Variants in FGGY observed in about 807,000 individuals in gnomAD.
FGGY encodes the protein FGGY carbohydrate kinase domain containing, also known as FGGY carbohydrate kinase domain-containing protein.
FGGY carries 72 observed loss-of-function variants against 71.3 expected under a neutral mutation model. That is an observed-to-expected ratio of 1.01 (90% CI 0.84 to 1.23). The LOEUF is 1.23. Among genes scored for constraint, FGGY ranks in the 50% most tolerant of loss-of-function variants. FGGY has a pLI of 0.00. For missense variants in FGGY, 668 were observed against 682.3 expected (o/e 0.98, Z 0.23); for synonymous variants, 251 against 250.3 (o/e 1.00, Z -0.02).
intron 8 of FGGY, among the ~76,000 whole-genome samples, chr1:59,567,983 G>A (rs753381013): frequency 4.6e-5 from 7 of 151,640 alleles, no homozygotes; most frequent in Non-Finnish European, 1.0e-4. Context: ...ATCTGCACAC[G>A]CTTGTTTGAA....
intron 6 of FGGY, among the ~76,000 whole-genome samples, chr1:59,464,898 A>C (rs962797151): frequency 6.6e-6 from 1 of 152,200 alleles, no homozygotes; most frequent in Non-Finnish European, 1.5e-5. Flanking sequence ...CAACCAAAAA[A>C]AAGTTCAGGA....
chr1:59,493,562 C>T (rs891571843), intron 6 of FGGY, among the ~76,000 whole-genome samples: 4 of 151,942 alleles, frequency 2.6e-5, no homozygotes, highest in African/African-American at 9.7e-5. Flanking sequence ...TATGATCCTT[C>T]TTATATGGGA....
intron 2 of FGGY, among the ~76,000 whole-genome samples, chr1:59,325,930 G>A (rs76493384): frequency 0.021 from 3,182 of 152,230 alleles, 121 homozygotes; most frequent in African/African-American, 0.072. Flanking sequence ...CTGGTAAGCC[G>A]CACACCTAAG....
At chr1:59,465,590 T>C (rs2092569096) in intron 6 of FGGY, among the ~76,000 whole-genome samples, 1 of 152,330 alleles carries the variant, frequency 6.6e-6, no homozygotes, top group Non-Finnish European at 1.5e-5. Context: ...GATGACATGA[T>C]TGTATATTTA....
At chr1:59,565,818 C>G (rs1269782460) in intron 8 of FGGY, among the ~76,000 whole-genome samples, 1 of 152,144 alleles carries the variant, frequency 6.6e-6, no homozygotes, top group Admixed American at 6.5e-5. Flanking sequence ...CCCTTTTTCC[C>G]AGTCTTCCAA....
In FGGY at chr1:59,674,023, G is replaced by T; in HGVS notation, c.1418-16G>T. 1.9e-6 allele frequency: 3 copies of T among 1,610,812 alleles called. No individual in the cohort carries two copies. The highest frequency in any genetic ancestry group is 1.1e-5 in the South Asian group (1 of 90,356). ...GGCTCTGCTCCCTAACCAAGGTGTG[G>T]CCTTGTCCTGCGCAGGCATGCCTGT... is the stretch of plus-strand genomic sequence containing the variant. On this transcript the variant is annotated splice_polypyrimidine_tract_variant and intron_variant, in intron 13 of 15. Coordinates refer to ENST00000303721, the MANE Select transcript of FGGY (RefSeq NM_018291.5).
chr1:59,422,696 G>GAAA (rs138277726), intron 5 of FGGY, among the ~76,000 whole-genome samples: 1 of 125,830 alleles, frequency 7.9e-6, no homozygotes, highest in African/African-American at 3.0e-5. Flanking sequence ...TGTCTCAAAG[G>GAAA]AAAAAAAAAA....
At chr1:59,480,550 A>T (rs2093431477) in intron 6 of FGGY, among the ~76,000 whole-genome samples, 1 of 152,154 alleles carries the variant, frequency 6.6e-6, no homozygotes, top group South Asian at 2.1e-4. Flanking sequence ...GGAAAGGTCC[A>T]TTTTTTGCCA....
chr1:59,546,576 T>A (rs1398605230), intron 7 of FGGY, among the ~76,000 whole-genome samples: 1 of 151,800 alleles, frequency 6.6e-6, no homozygotes, highest in African/African-American at 2.4e-5. Context: ...TGGCTCTGTT[T>A]CCCAGTGCAA....
intron 6 of FGGY, among the ~76,000 whole-genome samples, chr1:59,489,398 A>C (rs1485095577): frequency 2.0e-5 from 3 of 152,056 alleles, no homozygotes; most frequent in Non-Finnish European, 2.9e-5. Flanking sequence ...TCTGCCTCTA[A>C]TATCCTCTAC....
At chr1:59,371,304 CAAAG>C (rs1023086361) in intron 4 of FGGY, among the ~76,000 whole-genome samples, 2 of 152,010 alleles carry the variant, frequency 1.3e-5, no homozygotes, top group Non-Finnish European at 2.9e-5. Flanking sequence ...TCAAAAGAGA[CAAAG>C]AAGGCCATTA....
intron 5 of FGGY, among the ~76,000 whole-genome samples, chr1:59,427,420 C>A (rs1212476246): frequency 6.6e-6 from 1 of 152,184 alleles, no homozygotes; most frequent in Non-Finnish European, 1.5e-5. Flanking sequence ...GAATGAGACA[C>A]GAGATGGCGG....
intron 14 of FGGY, chr1:59,697,748 A>G: frequency 7.8e-7 from 1 of 1,283,768 alleles, no homozygotes; most frequent in Non-Finnish European, 1.0e-6. Flanking sequence ...CAAGTAGGTG[A>G]CACAAGAGGT....
At chr1:59,559,277 A>G (rs1420599711) in intron 8 of FGGY, among the ~76,000 whole-genome samples, 2 of 152,224 alleles carry the variant, frequency 1.3e-5, no homozygotes, top group African/African-American at 2.4e-5. Context: ...TGAAGTAAAG[A>G]TTGGCGTAAG....
chr1:59,652,837 T>C (rs2097178077), intron 11 of FGGY, among the ~76,000 whole-genome samples: 1 of 152,246 alleles, frequency 6.6e-6, no homozygotes, highest in East Asian at 1.9e-4. Context: ...CTCTGCGTTT[T>C]AGATTTTCCA....
intron 5 of FGGY, among the ~76,000 whole-genome samples, chr1:59,412,864 C>T (rs2063803735): frequency 2.0e-5 from 3 of 152,158 alleles, no homozygotes; most frequent in African/African-American, 7.2e-5. Context: ...ATGGTTACCA[C>T]ATACACTCTG....
intron 14 of FGGY, among the ~76,000 whole-genome samples, chr1:59,697,331 C>T (rs1401484757): frequency 1.3e-5 from 2 of 152,134 alleles, no homozygotes; most frequent in Non-Finnish European, 2.9e-5. Context: ...AAACTTTACC[C>T]GTTAAACAAT....
chr1:59,651,663 G>T (rs1361521064), intron 11 of FGGY, among the ~76,000 whole-genome samples: 7 of 150,886 alleles, frequency 4.6e-5, no homozygotes, highest in Non-Finnish European at 4.4e-5. Flanking sequence ...CGTGAGATGG[G>T]TCTCCTGAAT....
chr1:59,448,827 C>A (rs1268247555), intron 5 of FGGY, among the ~76,000 whole-genome samples: 2 of 152,132 alleles, frequency 1.3e-5, no homozygotes, highest in Non-Finnish European at 2.9e-5. Context: ...TAATAACATT[C>A]TTTTATGATA....
Sources: allele counts gnomAD v4.1 joint callset (sites outside exome capture counted in the v4.1 genomes callset), GRCh38; gene constraint gnomAD v4.1.1; transcripts MANE v1.5; gene names NCBI Gene and HGNC (gene_info 2026-07-23, HGNC 2026-07-21).